The following CNTFR variants were observed in gnomAD, a reference collection of about 807,000 sequenced individuals.
The protein encoded by CNTFR is ciliary neurotrophic factor receptor, also known as ciliary neurotrophic factor receptor subunit alpha.
A neutral mutation model predicts 40.4 loss-of-function variants in CNTFR; 12 were observed. The observed-to-expected ratio is 0.30, with a 90% confidence interval of 0.19 to 0.48. The LOEUF is 0.48. Among genes scored for constraint, CNTFR ranks in the 20% least tolerant of loss-of-function variants. The pLI, the probability that CNTFR is intolerant of heterozygous loss-of-function variation, is 0.99. For missense variants in CNTFR, 414 were observed against 506.8 expected (o/e 0.82, Z 1.76); for synonymous variants, 202 against 209.6 (o/e 0.96, Z 0.31).
chr9:34,553,853 G>A (rs368923535), intron 7 of CNTFR, among the ~76,000 whole-genome samples: 11 of 152,244 alleles, frequency 7.2e-5, no homozygotes, highest in South Asian at 2.1e-4. Flanking sequence ...CGGCAGGGGC[G>A]GAGGAGGGGG....
rs1450464711 is a variant in CNTFR, at chr9:34,589,024, G to A, written c.-112+531C>T. ...GAGATACATCCAGGCGGACTGAAGA[G>A]AAAACCATGGGGACGCCGACCGACA... On this transcript the variant is annotated intron_variant, in intron 1 of 9. Coordinates refer to ENST00000378980, the MANE Select transcript of CNTFR (RefSeq NM_147164.3). This position sits in a 1 kb window ranked among gnomAD's most constrained non-coding sequence, Gnocchi z 4.4. Among the ~76,000 whole-genome samples, 1 of 152,138 alleles carries A rather than the reference G, an allele frequency of 6.6e-6. No homozygotes were observed. The highest frequency in any genetic ancestry group is 1.9e-4 in the East Asian group (1 of 5,190).
In CNTFR at chr9:34,552,572, C is replaced by T. The variant is rs550658503; in HGVS notation, c.949+102G>A. Reference sequence around the variant, plus strand: ...AGACAGGCAGAAGTGTGGCTACCCCCGGGAGCAGAGGCTGGAGGCAGCAGG... The same window carrying T: ...AGACAGGCAGAAGTGTGGCTACCCCTGGGAGCAGAGGCTGGAGGCAGCAGG... On this transcript the variant is annotated intron_variant, in intron 8 of 9. Coordinates refer to ENST00000378980, the MANE Select transcript of CNTFR (RefSeq NM_147164.3). This position sits in a 1 kb window ranked among gnomAD's most constrained non-coding sequence, Gnocchi z 5.1. The T allele has an allele frequency of 4.3e-5, 55 of 1,286,902 alleles. No homozygotes were observed. The highest frequency in any genetic ancestry group is 1.2e-4 in the African/African-American group (8 of 67,244). The allele number at this position is 1,286,902 out of a possible 1,614,324, so 79.7% of individuals were successfully genotyped here. A position where few individuals can be genotyped will look rare whatever the true frequency, so the allele number is the denominator to read the frequency against.
At chr9:34,566,000 G>A (rs1377483638) in intron 3 of CNTFR, among the ~76,000 whole-genome samples, 1 of 152,136 alleles carries the variant, frequency 6.6e-6, no homozygotes, top group Non-Finnish European at 1.5e-5. Flanking sequence ...CTCCCCTCCA[G>A]AGAGCCACCC....
chr9:34,556,467 C>G lies in CNTFR; in HGVS notation c.605-49G>C, dbSNP rs1379378521. On this transcript the variant is annotated intron_variant, in intron 6 of 9. Coordinates refer to ENST00000378980, the MANE Select transcript of CNTFR (RefSeq NM_147164.3). Reference sequence around the variant, plus strand: ...TACTACACTAATCACTGGCAACAACCCACTTTGTCAACTCCAGCCACCATG... The same window carrying G: ...TACTACACTAATCACTGGCAACAACGCACTTTGTCAACTCCAGCCACCATG... 2.0e-6 allele frequency: 3 copies of G among 1,528,984 alleles called. No homozygotes were observed. In the African/African-American group the frequency reaches 4.1e-5, roughly 21 times the overall value. The allele number at this position is 1,528,984 out of a possible 1,614,324, so 94.7% of individuals were successfully genotyped here. A position where few individuals can be genotyped will look rare whatever the true frequency, so the allele number is the denominator to read the frequency against.
At chr9:34,564,545 G>T in intron 4 of CNTFR, 54 bp downstream of exon 4, 1 of 1,483,496 alleles carries the variant, frequency 6.7e-7, no homozygotes, top group Non-Finnish European at 9.2e-7. Flanking sequence ...TGGGCTAGGA[G>T]TCTGGGTCTC....
intron 2 of CNTFR, among the ~76,000 whole-genome samples, chr9:34,574,880 C>T: frequency 6.6e-6 from 1 of 152,214 alleles, no homozygotes; most frequent in East Asian, 1.9e-4. Flanking sequence ...TGGGGCCCTC[C>T]CATGATGGGC....
Position 34,551,924 on chromosome 9 carries a change from G to T in CNTFR, c.*147C>A. ...CAGGGCTGGGGGGCGGCAGGCCCGG[G>T]CCCGCCGGGGTCTCCACAAATTGTG... is the stretch of plus-strand genomic sequence containing the variant. On this transcript the variant is annotated 3_prime_UTR_variant, in exon 10 of 10. Coordinates refer to ENST00000378980, the MANE Select transcript of CNTFR (RefSeq NM_147164.3). The T allele has an allele frequency of 1.4e-6, 1 of 717,808 alleles. No homozygotes were observed. 44.5% of individuals were successfully genotyped at this position (717,808 alleles called of 1,614,324 possible).
intron 3 of CNTFR, among the ~76,000 whole-genome samples, 191 bp from the exon 4 acceptor site, chr9:34,565,023 T>G (rs1205775977): frequency 6.6e-6 from 1 of 152,108 alleles, no homozygotes; most frequent in Non-Finnish European, 1.5e-5. Flanking sequence ...TGTGGGTATA[T>G]GAATGTCTCC....
intron 3 of CNTFR, chr9:34,568,162 G>A (rs570468358): frequency 5.2e-5 from 8 of 152,382 alleles, no homozygotes; most frequent in Admixed American, 5.2e-4. Context: ...TTCAAGGTGA[G>A]TTTTGAGTTC....
intron 7 of CNTFR, among the ~76,000 whole-genome samples, chr9:34,554,502 G>C (rs758209859): frequency 1.3e-5 from 2 of 152,114 alleles, no homozygotes; most frequent in Admixed American, 1.3e-4. Flanking sequence ...CAAGAGAAAG[G>C]CTTCTCAATT....
chr9:34,567,831 T>A (rs1481304661), intron 3 of CNTFR, among the ~76,000 whole-genome samples: 1 of 151,950 alleles, frequency 6.6e-6, no homozygotes, highest in Non-Finnish European at 1.5e-5. Context: ...AAGAACACAG[T>A]TTCACACTCT....
At position 34,552,122 on chromosome 9, in the gene CNTFR, C is replaced by T; in HGVS notation, c.1118+39G>A. The T allele has an allele frequency of 6.3e-7, 1 of 1,593,916 alleles. No homozygotes were observed. The highest frequency in any genetic ancestry group is 2.3e-5 in the East Asian group (1 of 44,146). ...AGGGAGGGGGCTGGAGTGGGGGTTC[C>T]CTCAGGCTCCCTCTGCCACCCAGCC... On this transcript the variant is annotated intron_variant, in intron 9 of 9. Transcript: ENST00000378980. The surrounding 1 kb of genome is among the most constrained non-coding windows in gnomAD (Gnocchi z 5.1).
rs1274393551 is a variant in CNTFR at position 34,552,313 on chromosome 9, G to A, written c.966C>T (p.Thr322=). The A allele has an allele frequency of 1.9e-6, 3 of 1,539,584 alleles. No homozygotes were observed. The highest frequency in any genetic ancestry group is 2.6e-6 in the Non-Finnish European group (3 of 1,147,178). ...TAGGTGGGGGTGCCAGGGAGCTGGTGGTGCTGGTCGTGGTCTCTGGGGAAC... is the reference window on the plus strand; with the variant it reads ...TAGGTGGGGGTGCCAGGGAGCTGGTAGTGCTGGTCGTGGTCTCTGGGGAAC... ...EAQAAETTTS[T]TSSLAPPPTT... Residue 322 remains threonine, a synonymous_variant, in exon 9 of 10, where the codon ACC becomes ACT. Coordinates refer to ENST00000378980, the MANE Select transcript of CNTFR (RefSeq NM_147164.3). This position sits in a 1 kb window ranked among gnomAD's most constrained non-coding sequence, Gnocchi z 5.1.
intron 7 of CNTFR, among the ~76,000 whole-genome samples, 195 bp from the exon 8 acceptor site, chr9:34,553,049 C>T (rs1010239855): frequency 6.6e-6 from 1 of 152,108 alleles, no homozygotes; most frequent in African/African-American, 2.4e-5. Flanking sequence ...GAGGAGACTC[C>T]ACAGGAGGGG....
At chr9:34,568,868 G>A (rs375307592) in intron 3 of CNTFR, 29 bp downstream of exon 3, 36 of 1,555,104 alleles carry the variant, frequency 2.3e-5, no homozygotes, top group Admixed American at 1.7e-4. Flanking sequence ...TGAGAGGGGG[G>A]TCAGCAGGCG....
intron 1 of CNTFR, among the ~76,000 whole-genome samples, chr9:34,584,020 G>A (rs1564077004): frequency 6.6e-6 from 1 of 152,220 alleles, no homozygotes; most frequent in African/African-American, 2.4e-5. Context: ...CCCCTCATTG[G>A]GACTCTGGCT....
intron 2 of CNTFR, among the ~76,000 whole-genome samples, chr9:34,572,122 C>A (rs1404580354): frequency 6.6e-6 from 1 of 151,942 alleles, no homozygotes; most frequent in Non-Finnish European, 1.5e-5. Context: ...GATCTAGGAC[C>A]CCAACCCCTA....
In CNTFR at chr9:34,552,679, G is replaced by A; in HGVS notation, c.944C>T (p.Ala315Val). 6.2e-7 allele frequency: 1 copy of A among 1,612,942 alleles called. No homozygotes were observed. Among genetic ancestry groups the A allele is most frequent in the South Asian group, 1.1e-5 (1 of 91,068 alleles). ...AGGGGCGGGAGCAAGCTCACCCGCA[G>A]CCTGGGCCTCCGTGGTGAGGTGTCG... is the stretch of plus-strand genomic sequence containing the variant. ...EPRHLTTEAQ[A>V]AETTTSTTSS... Residue 315 changes from alanine (A) to valine (V), a missense_variant, in exon 8 of 10, where the codon GCT (alanine) becomes GTT (valine). Around this residue, in one of 3 missense-constraint regions of CNTFR, gnomAD observed 81 missense variants for 92.2 expected, o/e 0.88. Transcript: ENST00000378980. This position sits in a 1 kb window ranked among gnomAD's most constrained non-coding sequence, Gnocchi z 5.1.
Position 34,552,411 on chromosome 9 carries a change from G to T in CNTFR, c.950-82C>A. On this transcript the variant is annotated intron_variant, in intron 8 of 9. Coordinates refer to ENST00000378980, the MANE Select transcript of CNTFR (RefSeq NM_147164.3). This position sits in a 1 kb window ranked among gnomAD's most constrained non-coding sequence, Gnocchi z 5.1. ...GGGGGCTCATGAGACATACCATTCT[G>T]CTTCCTGCATCAGACTGGTACTGCC... 7.2e-7 allele frequency: 1 copy of T among 1,387,726 alleles called. No homozygotes were observed. The highest frequency in any genetic ancestry group is 9.7e-7 in the Non-Finnish European group (1 of 1,035,820). 86.0% of individuals were successfully genotyped at this position (1,387,726 alleles called of 1,614,324 possible).
Sources: allele counts gnomAD v4.1 joint callset (sites outside exome capture counted in the v4.1 genomes callset), GRCh38; gene constraint gnomAD v4.1.1; regional missense constraint gnomAD v4.1.1; non-coding constraint Gnocchi (gnomAD v3.1); transcripts MANE v1.5; gene names NCBI Gene and HGNC (gene_info 2026-07-23, HGNC 2026-07-21).